The following MYO10 variants were observed in gnomAD, a reference collection of about 807,000 sequenced individuals.
MYO10 encodes the protein myosin X.
MYO10 carries 133 observed loss-of-function variants against 257.3 expected under a neutral mutation model. The ratio of observed to expected loss-of-function variants is 0.52; its 90% confidence interval spans 0.45 to 0.60. The LOEUF (loss-of-function observed/expected upper bound fraction) is 0.60, where lower values mean the gene tolerates loss of function less well. Ranked by LOEUF, MYO10 falls within the 20% of genes least tolerant of loss-of-function variation. The pLI is 0.00. For missense variants in MYO10, 2,399 were observed against 2,635.7 expected (o/e 0.91, Z 1.97); for synonymous variants, 1,104 against 1,028.6 (o/e 1.07, Z -1.40).
rs191575612 is a variant in MYO10 at position 16,762,287 on chromosome 5, A to C, written c.1588-174T>G. Reference sequence around the variant, plus strand: ...GGTGCACTTTATAAAAACCATGTTAACTCTCGATTGTGTCATTATAATAGA... The same window carrying C: ...GGTGCACTTTATAAAAACCATGTTACCTCTCGATTGTGTCATTATAATAGA... On this transcript the variant is annotated intron_variant, in intron 15 of 40. Coordinates refer to ENST00000513610, the MANE Select transcript of MYO10 (RefSeq NM_012334.3). 1.1e-4 allele frequency among the ~76,000 whole-genome samples: 16 copies of C among 152,298 alleles called. 1 individual carries two copies. The highest frequency in any genetic ancestry group is 1.0e-3 in the Admixed American group (16 of 15,282).
chr5:16,821,423 A>G (rs1010063983), intron 2 of MYO10, among the ~76,000 whole-genome samples: 1 of 130,364 alleles, frequency 7.7e-6, no homozygotes. Flanking sequence ...CATACATTTG[A>G]CTTCCTTTCC....
At chr5:16,824,983 C>T (rs1203154951) in intron 2 of MYO10, among the ~76,000 whole-genome samples, 2 of 152,106 alleles carry the variant, frequency 1.3e-5, no homozygotes, top group Non-Finnish European at 2.9e-5. Flanking sequence ...TATATTCATT[C>T]GTTTTTATTT....
intron 5 of MYO10, among the ~76,000 whole-genome samples, chr5:16,782,211 G>A (rs1036139841): frequency 3.3e-5 from 5 of 152,080 alleles, no homozygotes; most frequent in East Asian, 1.9e-4. Flanking sequence ...TGTATGTCCC[G>A]GGGGCAACTC....
At chr5:16,780,771 GA>G (rs1308947285) in intron 6 of MYO10, 30 bp from the exon 7 acceptor site, 4 of 1,559,722 alleles carry the variant, frequency 2.6e-6, no homozygotes, top group Non-Finnish European at 3.5e-6. Context: ...GCAAGTCAAG[GA>G]AAAAAACAAA....
intron 2 of MYO10, among the ~76,000 whole-genome samples, chr5:16,873,061 T>C (rs1290517023): frequency 6.6e-6 from 1 of 152,192 alleles, no homozygotes; most frequent in Non-Finnish European, 1.5e-5. Flanking sequence ...CATTTCAGCA[T>C]TAACCCAGAA....
At chr5:16,911,624 TG>T (rs1745658757) in intron 1 of MYO10, among the ~76,000 whole-genome samples, 1 of 152,030 alleles carries the variant, frequency 6.6e-6, no homozygotes, top group South Asian at 2.1e-4. Context: ...CCCAGCTACT[TG>T]GGTAACTGAG....
intron 2 of MYO10, among the ~76,000 whole-genome samples, chr5:16,837,561 C>A (rs983242725): frequency 6.6e-6 from 1 of 152,118 alleles, no homozygotes; most frequent in Non-Finnish European, 1.5e-5. Context: ...GATGACTGCA[C>A]AACTCTGTAA....
chr5:16,700,994 T>C lies in MYO10; in HGVS notation c.3401A>G (p.Tyr1134Cys), dbSNP rs1738021169. ...CTGCGCCCCCTCAGAGCTGAACCGG[T>C]AGGCACCCGAGCTGTTGTAGGTCCC... The part of the protein sequence containing the change: ...SVGTYNSSGA[Y>C]RFSSEGAQSS... The change falls in exon 25 of 41, where the codon TAC becomes TGC. Residue 1134 changes from tyrosine to cysteine, a missense_variant. By Grantham distance (194) the Tyr-to-Cys change is radical. Around this residue, in one of 3 missense-constraint regions of MYO10, gnomAD observed 1,820 missense variants for 1,939.4 expected, o/e 0.94. Transcript: ENST00000513610. 1 of 1,559,456 alleles carries C rather than the reference T, an allele frequency of 6.4e-7. No individual in the cohort carries two copies. The highest frequency in any genetic ancestry group is 8.7e-7 in the Non-Finnish European group (1 of 1,151,726).
At chr5:16,913,239 C>T (rs29453) in intron 1 of MYO10, among the ~76,000 whole-genome samples, 83,006 of 151,852 alleles carry the variant, frequency 0.55, 22,791 homozygotes, top group Admixed American at 0.62. Flanking sequence ...CAAGCCACTG[C>T]CAAAATTCTC....
At chr5:16,839,469 T>C (rs1249882125) in intron 2 of MYO10, among the ~76,000 whole-genome samples, 1 of 152,092 alleles carries the variant, frequency 6.6e-6, no homozygotes, top group East Asian at 1.9e-4. Context: ...ACAAGCCAGG[T>C]GCAGTGGCTC....
chr5:16,920,428 C>G (rs1193537629), intron 1 of MYO10, among the ~76,000 whole-genome samples: 4 of 152,186 alleles, frequency 2.6e-5, no homozygotes, highest in African/African-American at 9.6e-5. Context: ...AGAATATGTA[C>G]TGATCGATTC....
At chr5:16,920,160 G>C (rs540782810) in intron 1 of MYO10, among the ~76,000 whole-genome samples, 6 of 152,232 alleles carry the variant, frequency 3.9e-5, no homozygotes, top group African/African-American at 1.4e-4. Flanking sequence ...TGTAAACCCA[G>C]CTGCTTGGGA....
intron 19 of MYO10, among the ~76,000 whole-genome samples, chr5:16,734,284 C>A (rs1256205760): frequency 6.6e-6 from 1 of 152,174 alleles, no homozygotes; most frequent in Non-Finnish European, 1.5e-5. Flanking sequence ...CATCTTTCGA[C>A]TTAAAAGAAC....
intron 9 of MYO10, among the ~76,000 whole-genome samples, chr5:16,778,004 A>G (rs1265005177): frequency 1.3e-5 from 2 of 151,702 alleles, no homozygotes; most frequent in Non-Finnish European, 2.9e-5. Flanking sequence ...GCCCGCCACC[A>G]TATCCAGCTA....
chr5:16,874,018 C>A (rs1744521626), intron 2 of MYO10, among the ~76,000 whole-genome samples: 1 of 152,138 alleles, frequency 6.6e-6, no homozygotes, highest in South Asian at 2.1e-4. Flanking sequence ...ATTTCTGCAG[C>A]CAGCTTGAAT....
intron 1 of MYO10, among the ~76,000 whole-genome samples, chr5:16,923,660 C>CCACACACACACACACACACA (rs1746050937): frequency 1.7e-5 from 2 of 116,172 alleles, no homozygotes; most frequent in African/African-American, 7.2e-5. Flanking sequence ...TTAAACACGC[C>CCACACACACACACACACACA]CATACACACA....
intron 19 of MYO10, among the ~76,000 whole-genome samples, chr5:16,719,392 T>A (rs1739048812): frequency 6.6e-6 from 1 of 152,172 alleles, no homozygotes; most frequent in Non-Finnish European, 1.5e-5. Flanking sequence ...CACACCACAG[T>A]GGACAAGGGA....
intron 19 of MYO10, chr5:16,742,147 A>AAC: frequency 1.0e-6 from 1 of 985,332 alleles, no homozygotes. Flanking sequence ...TTTTTTTTTA[A>AAC]AAAAAGTCCC....
In MYO10 at chr5:16,704,601, G is replaced by A. The variant is rs780697834; in HGVS notation, c.2254C>T (p.His752Tyr). Residue 752 changes from histidine to tyrosine, a missense_variant, in exon 22 of 41, where the codon CAT becomes TAT. By Grantham distance (83) the His-to-Tyr change is moderately conservative. Transcript: ENST00000513610. Reference sequence around the variant, plus strand: ...TACCGTGCTAAGAAGCCCAAGACATGGGCCCGAATCACCATGGCCGCGTGG... The same window carrying A: ...TACCGTGCTAAGAAGCCCAAGACATAGGCCCGAATCACCATGGCCGCGTGG... ...VSHAAMVIRAHVLGFLARKQY... is the reference protein window; with the variant it reads ...VSHAAMVIRAYVLGFLARKQY... The A allele has an allele frequency of 1.2e-6, 2 of 1,613,832 alleles. No individual in the cohort carries two copies. Among genetic ancestry groups the A allele is most frequent in the South Asian group, 2.2e-5 (2 of 91,064 alleles).
Sources: gnomAD v4.1 joint callset for allele counts (sites outside exome capture counted in the v4.1 genomes callset) on GRCh38, gnomAD v4.1.1 for gene constraint, gnomAD v4.1.1 regional missense constraint, MANE v1.5 for transcripts, NCBI Gene and HGNC (gene_info 2026-07-23, HGNC 2026-07-21) for gene names.